HDAC8: variants seen among roughly 807,000 people sequenced by gnomAD.
HDAC8 encodes histone deacetylase 8.
HDAC8 carries 1 observed loss-of-function variant against 32.2 expected under a neutral mutation model. The observed-to-expected ratio is 0.03, with a 90% CI of 0.01 to 0.15. HDAC8 has a LOEUF of 0.15. Ranked by LOEUF, HDAC8 falls within the 10% of genes least tolerant of loss-of-function variation. The pLI is 1.00. For missense variants in HDAC8, 117 were observed against 300.0 expected (o/e 0.39, Z 4.51); for synonymous variants, 108 against 113.9 (o/e 0.95, Z 0.33).
At chrX:72,553,774 T>C (rs1556082762) in intron 4 of HDAC8, among the ~76,000 whole-genome samples, 1 of 112,034 alleles carries the variant, frequency 8.9e-6, no homozygotes, top group African/African-American at 3.2e-5. Context: ...GTATTTTGTA[T>C]CTGTATTTGG....
intron 7 of HDAC8, among the ~76,000 whole-genome samples, chrX:72,476,083 T>C (rs1556000428): frequency 9.0e-6 from 1 of 111,167 alleles, no homozygotes; most frequent in Non-Finnish European, 1.9e-5. Flanking sequence ...TCACTATACC[T>C]TTTAGAAGTA....
At chrX:72,356,353 G>C (rs1299923139) in intron 9 of HDAC8, among the ~76,000 whole-genome samples, 1 of 111,243 alleles carries the variant, frequency 9.0e-6, no homozygotes, top group African/African-American at 3.3e-5. Flanking sequence ...ATATGACTAG[G>C]GGGCACGGAC....
At chrX:72,399,729 C>T (rs2045856479) in intron 9 of HDAC8, among the ~76,000 whole-genome samples, 2 of 112,050 alleles carry the variant, frequency 1.8e-5, no homozygotes, top group African/African-American at 6.5e-5. Context: ...TGCCTGGCCT[C>T]TCCATTTCAA....
At chrX:72,528,947 A>G (rs1300005062) in intron 4 of HDAC8, among the ~76,000 whole-genome samples, 2 of 112,446 alleles carry the variant, frequency 1.8e-5, no homozygotes, top group African/African-American at 6.5e-5. Flanking sequence ...AAATTCTACT[A>G]TGTGACAAGG....
At chrX:72,455,480 C>T (rs781880220) in intron 9 of HDAC8, among the ~76,000 whole-genome samples, 1 of 111,500 alleles carries the variant, frequency 9.0e-6, no homozygotes, top group South Asian at 3.7e-4. Flanking sequence ...GCTTAACTAG[C>T]CACATTTTTC....
At chrX:72,516,413 T>C (rs954659459) in intron 4 of HDAC8, among the ~76,000 whole-genome samples, 2 of 111,098 alleles carry the variant, frequency 1.8e-5, no homozygotes, top group African/African-American at 6.5e-5. Context: ...TTTTTTTTTT[T>C]CACTAAGTTA....
intron 10 of HDAC8, among the ~76,000 whole-genome samples, chrX:72,348,441 A>G (rs2044088916): frequency 8.9e-6 from 1 of 112,491 alleles, no homozygotes. Context: ...TGTCATGGCA[A>G]CGCACTATCT....
chrX:72,418,673 C>T (rs1328428293), intron 9 of HDAC8, among the ~76,000 whole-genome samples: 1 of 111,651 alleles, frequency 9.0e-6, no homozygotes, highest in Non-Finnish European at 1.9e-5. Context: ...CCCAGCACTC[C>T]CATTATTGGG....
chrX:72,492,350 A>G (rs782545782), intron 5 of HDAC8, among the ~76,000 whole-genome samples: 1 of 111,698 alleles, frequency 9.0e-6, no homozygotes, highest in Non-Finnish European at 1.9e-5. Flanking sequence ...TTTAGTGGCC[A>G]TTTGTATTTC....
chrX:72,549,303 T>C (rs1324029066), intron 4 of HDAC8, among the ~76,000 whole-genome samples: 2 of 108,029 alleles, frequency 1.9e-5, no homozygotes, highest in African/African-American at 3.4e-5. Context: ...ATTTGTTTGT[T>C]CCCCCCCCGC....
chrX:72,445,519 T>C (rs1400487708), intron 9 of HDAC8, among the ~76,000 whole-genome samples: 4 of 111,954 alleles, frequency 3.6e-5, no homozygotes, highest in Non-Finnish European at 5.6e-5. Context: ...TTACACCTTA[T>C]ACAAAAATTA....
intron 4 of HDAC8, among the ~76,000 whole-genome samples, chrX:72,506,177 T>C (rs1603116413): frequency 8.9e-6 from 1 of 112,379 alleles, no homozygotes; most frequent in East Asian, 2.8e-4. Flanking sequence ...AGCTGCTGCC[T>C]AGACTATGAT....
intron 7 of HDAC8, among the ~76,000 whole-genome samples, chrX:72,476,876 C>T (rs1461322419): frequency 9.0e-6 from 1 of 111,512 alleles, no homozygotes; most frequent in Non-Finnish European, 1.9e-5. Context: ...GCAGTGACTT[C>T]CTGAATAGTA....
At chrX:72,443,726 A>C (rs1200674414) in intron 9 of HDAC8, among the ~76,000 whole-genome samples, 2 of 108,120 alleles carry the variant, frequency 1.8e-5, no homozygotes, top group Admixed American at 9.7e-5. Context: ...AAAACCCTTC[A>C]AAAAATTAAT....
chrX:72,495,711 GA>G (rs2049001122), intron 4 of HDAC8, among the ~76,000 whole-genome samples: 1 of 111,653 alleles, frequency 9.0e-6, no homozygotes, highest in South Asian at 3.8e-4. Context: ...TTAGAGATTG[GA>G]TTCTCTGTAC....
At chrX:72,359,019 C>T (rs782515958) in intron 9 of HDAC8, among the ~76,000 whole-genome samples, 2 of 110,312 alleles carry the variant, frequency 1.8e-5, no homozygotes, top group South Asian at 3.9e-4. Flanking sequence ...CCACCAGCCC[C>T]GTGGCCCCAG....
intron 5 of HDAC8, among the ~76,000 whole-genome samples, chrX:72,491,711 A>T (rs2048876450): frequency 9.0e-6 from 1 of 111,483 alleles, no homozygotes; most frequent in South Asian, 3.8e-4. Context: ...TTAGTGAGTA[A>T]ACGATTAGAG....
In HDAC8 at chrX:72,479,948, A is replaced by G. The variant is rs782303941; in HGVS notation, c.737+8985T>C. Among the ~76,000 whole-genome samples, 17 of 112,076 alleles carry G rather than the reference A, an allele frequency of 1.5e-4. No homozygotes were observed. The Admixed American group carries it at 1.6e-3, about 11-fold the overall frequency. ...CTTCCTAATTATCCTACATTCTGAC[A>G]CACTTAGTGCCTCTTGAATTTAATA... is the stretch of plus-strand genomic sequence containing the variant. On this transcript the variant is annotated intron_variant, in intron 7 of 10. Transcript: ENST00000373573.
intron 9 of HDAC8, among the ~76,000 whole-genome samples, chrX:72,396,729 G>C (rs781945548): frequency 2.7e-5 from 3 of 110,523 alleles, no homozygotes; most frequent in Non-Finnish European, 5.7e-5. Flanking sequence ...GGCTGGGCAT[G>C]GTGGTGTGTG....
Sources: allele counts gnomAD v4.1 joint callset (sites outside exome capture counted in the v4.1 genomes callset), GRCh38; gene constraint gnomAD v4.1.1; transcripts MANE v1.5; gene names NCBI Gene and HGNC (gene_info 2026-07-23, HGNC 2026-07-21).